FAM110B: variants seen among roughly 807,000 people sequenced by gnomAD.
FAM110B encodes family with sequence similarity 110 member B.
In FAM110B, 6 loss-of-function variants were observed where a neutral mutation model predicts 20.4. That is an observed-to-expected ratio of 0.29 (90% CI 0.16 to 0.58). The LOEUF is 0.58. Among genes scored for constraint, FAM110B ranks in the 20% least tolerant of loss-of-function variants. The pLI is 0.90. For missense variants in FAM110B, 434 were observed against 498.2 expected (o/e 0.87, Z 1.23); for synonymous variants, 226 against 214.1 (o/e 1.06, Z -0.49).
intron 2 of FAM110B, among the ~76,000 whole-genome samples, chr8:58,065,509 G>C (rs1279176106): frequency 1.3e-5 from 2 of 152,030 alleles, no homozygotes; most frequent in Non-Finnish European, 2.9e-5. Context: ...TAAAGTCTTA[G>C]GATGACTTCT....
chr8:58,005,952 T>C (rs1331539596), intron 1 of FAM110B, among the ~76,000 whole-genome samples: 1 of 152,228 alleles, frequency 6.6e-6, no homozygotes, highest in Non-Finnish European at 1.5e-5. Flanking sequence ...AACGTGGTGA[T>C]ATCAGGAAGG....
chr8:58,097,391 A>C (rs1167465101), intron 3 of FAM110B, among the ~76,000 whole-genome samples: 1 of 152,216 alleles, frequency 6.6e-6, no homozygotes, highest in East Asian at 1.9e-4. Context: ...TTTCAGCTCC[A>C]TCAGGTCATT....
chr8:58,084,613 C>T (rs1806284904), intron 3 of FAM110B, among the ~76,000 whole-genome samples: 1 of 152,138 alleles, frequency 6.6e-6, no homozygotes, highest in African/African-American at 2.4e-5. Context: ...TGGTCTCGAT[C>T]TCTTGACCGT....
intron 3 of FAM110B, among the ~76,000 whole-genome samples, chr8:58,140,026 C>A (rs1222431927): frequency 6.6e-6 from 1 of 152,158 alleles, no homozygotes; most frequent in Non-Finnish European, 1.5e-5. Flanking sequence ...GCAGACGGAG[C>A]AGCAGGAATG....
intron 3 of FAM110B, among the ~76,000 whole-genome samples, chr8:58,107,187 C>T (rs1806941474): frequency 6.6e-6 from 1 of 152,118 alleles, no homozygotes; most frequent in Admixed American, 6.5e-5. Context: ...CTGTTAAAGG[C>T]AATTTATGTA....
chr8:58,066,945 C>T (rs2150588156), intron 2 of FAM110B, among the ~76,000 whole-genome samples: 1 of 152,276 alleles, frequency 6.6e-6, no homozygotes, highest in Non-Finnish European at 1.5e-5. Context: ...CTTCTCAGGC[C>T]CTGGTGCTGT....
At chr8:58,130,988 G>A (rs1585911940) in intron 3 of FAM110B, among the ~76,000 whole-genome samples, 2 of 152,034 alleles carry the variant, frequency 1.3e-5, no homozygotes, top group South Asian at 2.1e-4. Flanking sequence ...TCTGCCTTGT[G>A]CCCACCCTCA....
At chr8:58,120,379 C>T (rs1182441155) in intron 3 of FAM110B, among the ~76,000 whole-genome samples, 4 of 151,732 alleles carry the variant, frequency 2.6e-5, no homozygotes, top group African/African-American at 9.7e-5. Context: ...TCCACTTTTT[C>T]GTCTTCCTGA....
chr8:58,025,532 C>T (rs781031386), intron 1 of FAM110B, among the ~76,000 whole-genome samples: 2 of 152,028 alleles, frequency 1.3e-5, no homozygotes, highest in Non-Finnish European at 2.9e-5. Flanking sequence ...TGATGAGGAG[C>T]AGTGAAAGTG....
chr8:58,145,307 G>T (rs1213291949), intron 3 of FAM110B, among the ~76,000 whole-genome samples: 1 of 148,902 alleles, frequency 6.7e-6, no homozygotes, highest in Non-Finnish European at 1.5e-5. Flanking sequence ...TAACTGAAAC[G>T]TGTTGAGGTT....
chr8:58,109,212 C>T (rs1194249520), intron 3 of FAM110B, among the ~76,000 whole-genome samples: 1 of 152,114 alleles, frequency 6.6e-6, no homozygotes, highest in East Asian at 1.9e-4. Context: ...GCCCACAGCC[C>T]TTGTTACATA....
chr8:57,999,436 A>G (rs902995411), intron 1 of FAM110B, among the ~76,000 whole-genome samples: 8 of 152,196 alleles, frequency 5.3e-5, no homozygotes, highest in Non-Finnish European at 1.2e-4. Context: ...TCACAGCCCC[A>G]TTAGAAGTTT....
intron 1 of FAM110B, among the ~76,000 whole-genome samples, chr8:58,021,055 G>T (rs1804742414): frequency 6.6e-6 from 1 of 152,100 alleles, no homozygotes; most frequent in Non-Finnish European, 1.5e-5. Flanking sequence ...ATTTTTTGTT[G>T]CCATCGGATG....
intron 3 of FAM110B, among the ~76,000 whole-genome samples, chr8:58,130,876 TGTCCCTATTA>T (rs1803447515): frequency 6.6e-6 from 1 of 152,236 alleles, no homozygotes; most frequent in Non-Finnish European, 1.5e-5. Context: ...TGCAGCAACC[TGTCCCTATTA>T]GGTTTTGCCT....
At chr8:58,109,521 G>A (rs1391490952) in intron 3 of FAM110B, among the ~76,000 whole-genome samples, 1 of 152,106 alleles carries the variant, frequency 6.6e-6, no homozygotes, top group African/African-American at 2.4e-5. Flanking sequence ...TCCTGCACAA[G>A]TTTTTTTCTT....
intron 1 of FAM110B, among the ~76,000 whole-genome samples, chr8:58,027,845 A>G (rs965968730): frequency 6.6e-6 from 1 of 152,182 alleles, no homozygotes; most frequent in African/African-American, 2.4e-5. Context: ...CATTCACCAG[A>G]TGATGGACGT....
chr8:58,114,995 T>C (rs1196786019), intron 3 of FAM110B, among the ~76,000 whole-genome samples: 1 of 144,184 alleles, frequency 6.9e-6, no homozygotes, highest in Non-Finnish European at 1.5e-5. Context: ...CAGTCCTCTC[T>C]ATTGGAAAGT....
At chr8:58,070,728 C>A (rs1219130339) in intron 2 of FAM110B, among the ~76,000 whole-genome samples, 1 of 152,122 alleles carries the variant, frequency 6.6e-6, no homozygotes, top group East Asian at 1.9e-4. Context: ...TGCATTGAGT[C>A]CACACTGTCC....
chr8:58,062,133 C>A (rs562810082), intron 2 of FAM110B, among the ~76,000 whole-genome samples: 1 of 152,172 alleles, frequency 6.6e-6, no homozygotes, highest in East Asian at 1.9e-4. Context: ...GTTGAGGCTG[C>A]CTTTAGCAAA....
Sources: gnomAD v4.1 joint callset for allele counts (sites outside exome capture counted in the v4.1 genomes callset) on GRCh38, gnomAD v4.1.1 for gene constraint, MANE v1.5 for transcripts, NCBI Gene and HGNC (gene_info 2026-07-23, HGNC 2026-07-21) for gene names.